The following KMT2D variants were observed in gnomAD, a reference collection of about 807,000 sequenced individuals.
The protein encoded by KMT2D is lysine methyltransferase 2D, also known as histone-lysine N-methyltransferase 2D.
Under a neutral mutation model 512.7 loss-of-function variants are expected in KMT2D, and 55 were observed. The observed-to-expected ratio is 0.11, with a 90% confidence interval of 0.09 to 0.13. The LOEUF is 0.13. KMT2D is among the 10% of genes least tolerant of loss of function. KMT2D has a pLI of 1.00. For missense variants in KMT2D, 6,061 were observed against 7,127.9 expected, an observed-to-expected ratio of 0.85 and a Z score of 5.39; for synonymous variants, 2,995 against 2,904.0, an observed-to-expected ratio of 1.03 and a Z score of -1.01.
chr12:49,032,081 G>A lies in KMT2D; in HGVS notation c.12624C>T (p.Asn4208=). 1 of 1,613,756 alleles carries A rather than the reference G, an allele frequency of 6.2e-7. No individual in the cohort carries two copies. Among genetic ancestry groups the A allele is most frequent in the Non-Finnish European group, 8.5e-7 (1 of 1,179,764 alleles). The change falls in exon 40 of 55, where the codon AAC becomes AAT. Residue 4208 remains asparagine (N), a synonymous_variant. Transcript: ENST00000301067. ...RAQLQGVLAK[N]PQLRHLSPQQ... ...GAGGACTTAAGTGCCGCAGCTGTGGGTTTTTGGCCAGGACTCCTTGGAGCT... is the reference window on the plus strand; with the variant it reads ...GAGGACTTAAGTGCCGCAGCTGTGGATTTTTGGCCAGGACTCCTTGGAGCT...
rs879177818 is a variant in KMT2D at position 49,039,112 on chromosome 12, G to GA, written c.8366+109dup. On this transcript the variant is annotated intron_variant, in intron 34 of 54. Coordinates refer to ENST00000301067, the MANE Select transcript of KMT2D (RefSeq NM_003482.4). The surrounding 1 kb of genome is among the most constrained non-coding windows in gnomAD (Gnocchi z 5.0). ...GGGAGAAAAGGAATGAGGAAGAAGA[G>GA]AAAGTGATACTGGAAAAGGATTAGT... 6.5e-7 allele frequency: 1 copy of GA among 1,528,520 alleles called. No individual in the cohort carries two copies. The highest frequency in any genetic ancestry group is 1.4e-5 in the African/African-American group (1 of 72,626). The allele number at this position is 1,528,520 out of a possible 1,614,324, so 94.7% of individuals were successfully genotyped here.
At position 49,060,052 on chromosome 12, in the gene KMT2D, GCCGCGCCGCC is replaced by G. The variant is rs1384094219; in HGVS notation, c.-487_-478del. 1.3e-5 allele frequency among the ~76,000 whole-genome samples: 2 copies of G among 151,654 alleles called. No homozygotes were observed. Among genetic ancestry groups the G allele is most frequent in the Non-Finnish European group, 2.9e-5 (2 of 67,804 alleles). On this transcript the variant is annotated 5_prime_UTR_variant, in exon 1 of 55. Coordinates refer to ENST00000301067, the MANE Select transcript of KMT2D (RefSeq NM_003482.4). ...GCCTCCCCAGCAGCCCGGAAGGAAT[GCCGCGCCGCC>G]CCGCGCCTGGCCCGGATGGAACGTG...
At chr12:49,056,445 G>C (rs1179779960) in intron 1 of KMT2D, among the ~76,000 whole-genome samples, 1 of 151,822 alleles carries the variant, frequency 6.6e-6, no homozygotes, top group Non-Finnish European at 1.5e-5. Flanking sequence ...AGGGAATTAA[G>C]CACAGTGGGA....
intron 14 of KMT2D, among the ~76,000 whole-genome samples, 194 bp from the exon 15 acceptor site, chr12:49,048,263 ATTTAT>A (rs1279237181): frequency 1.3e-5 from 2 of 152,212 alleles, no homozygotes; most frequent in African/African-American, 2.4e-5. Flanking sequence ...GGTCACTTGA[ATTTAT>A]AAAGCCTGAC....
rs1372707509 is a variant in KMT2D at position 49,041,463 on chromosome 12, G to A, written c.6307C>T (p.His2103Tyr). The change falls in exon 32 of 55, where the codon CAT becomes TAT. Residue 2103 changes from histidine (H) to tyrosine (Y), a missense_variant. Physicochemically the swap from His to Tyr is moderately conservative, Grantham distance 83. Coordinates refer to ENST00000301067, the MANE Select transcript of KMT2D (RefSeq NM_003482.4). This position sits in a 1 kb window ranked among gnomAD's most constrained non-coding sequence, Gnocchi z 5.4. ...IARKTDRPAL[H>Y]LRIPPQPGAL... ...CCTGGCTGCGGGGGAATGCGGAGAT[G>A]TAGGGCCGGTCGGTCAGTCTTACGG... 6.2e-7 allele frequency: 1 copy of A among 1,613,360 alleles called. No individual in the cohort carries two copies. The highest frequency in any genetic ancestry group is 1.3e-5 in the African/African-American group (1 of 74,994).
chr12:49,036,689 G>A (rs1261662177), intron 35 of KMT2D, among the ~76,000 whole-genome samples: 2 of 151,854 alleles, frequency 1.3e-5, no homozygotes, highest in African/African-American at 4.8e-5. Flanking sequence ...TAGTAGAGAT[G>A]GGGTTTCATC....
chr12:49,038,306 T>C lies in KMT2D; in HGVS notation c.9050A>G (p.Asp3017Gly). 1.9e-6 allele frequency: 3 copies of C among 1,613,832 alleles called. No individual in the cohort carries two copies. The highest frequency in any genetic ancestry group is 2.5e-6 in the Non-Finnish European group (3 of 1,179,880). ...AAGTTCATCATCACCCTTGGCCACATCCACACCCAGACCCAGGTGAGCAAG... is the reference window on the plus strand; with the variant it reads ...AAGTTCATCATCACCCTTGGCCACACCCACACCCAGACCCAGGTGAGCAAG... ...EELAHLGLGV[D>G]VAKGDDELGT... The change falls in exon 35 of 55, where the codon GAT becomes GGT. Residue 3017 changes from aspartate to glycine, a missense_variant. Transcript: ENST00000301067. This position sits in a 1 kb window ranked among gnomAD's most constrained non-coding sequence, Gnocchi z 5.7.
rs979601685 is a variant in KMT2D, at chr12:49,018,991, CTTTT to C, written c.*2785_*2788del. On this transcript the variant is annotated 3_prime_UTR_variant, in exon 55 of 55. Coordinates refer to ENST00000301067, the MANE Select transcript of KMT2D (RefSeq NM_003482.4). ...CGGAGCCGCTTGTATTTAAAATGTTCTTTTTTTATTTGTCGTTTAAAAACAAACT... is the reference window on the plus strand; with the variant it reads ...CGGAGCCGCTTGTATTTAAAATGTTCTTTATTTGTCGTTTAAAAACAAACT... 2.0e-4 allele frequency: 275 copies of C among 1,404,004 alleles called. 3 individuals carry two copies. Among genetic ancestry groups the C allele is most frequent in the Non-Finnish European group, 1.1e-4 (117 of 1,083,172 alleles). The allele number at this position is 1,404,004 out of a possible 1,614,324, so 87.0% of individuals were successfully genotyped here. A position where few individuals can be genotyped will look rare whatever the true frequency, so the allele number is the denominator to read the frequency against.
At position 49,044,596 on chromosome 12, in the gene KMT2D, A is replaced by G; in HGVS notation, c.4964-74T>C. 6.3e-7 allele frequency: 1 copy of G among 1,583,690 alleles called. No homozygotes were observed. The highest frequency in any genetic ancestry group is 8.6e-7 in the Non-Finnish European group (1 of 1,163,846). The stretch of plus-strand genomic sequence containing the variant: ...TTTTAACCTTGTCATCCTGCCACTG[A>G]GAGAGCTGAATACCTTGCCTCAGAG... On this transcript the variant is annotated intron_variant, in intron 20 of 54. Coordinates refer to ENST00000301067, the MANE Select transcript of KMT2D (RefSeq NM_003482.4). This position sits in a 1 kb window ranked among gnomAD's most constrained non-coding sequence, Gnocchi z 6.4.
In KMT2D at chr12:49,052,699, G is replaced by A. The variant is rs781037238; in HGVS notation, c.1123C>T (p.Pro375Ser). The change falls in exon 10 of 55, where the codon CCA (proline) becomes TCA (serine). Residue 375 changes from proline (P) to serine (S), a missense_variant. Physicochemically the swap from Pro to Ser is moderately conservative, Grantham distance 74 (BLOSUM62 -1). This residue lies in a region of KMT2D where 848 missense variants were observed against 838.5 expected (regional missense o/e 1.01). Transcript: ENST00000301067. ...TCAGTGGGGGTATCGCCAGGCTCTGGGGGTGAAAATCTGCAGAGGGTACAG... is the reference window on the plus strand; with the variant it reads ...TCAGTGGGGGTATCGCCAGGCTCTGAGGGTGAAAATCTGCAGAGGGTACAG... The part of the protein sequence containing the change: ...HTPVCSRFSP[P>S]EPGDTPTDEP... The A allele has an allele frequency of 3.1e-6, 5 of 1,613,456 alleles. No homozygotes were observed. Among genetic ancestry groups the A allele is most frequent in the African/African-American group, 1.3e-5 (1 of 74,868 alleles).
In KMT2D at chr12:49,040,601, G is replaced by A. The variant is rs866926540; in HGVS notation, c.7169C>T (p.Pro2390Leu). Reference protein sequence around the residue: ...QPPLTPRPQPPPPESCCALPP... With the variant: ...QPPLTPRPQPLPPESCCALPP... Reference sequence around the variant, plus strand: ...CAGAGCACAGCAGCTCTCAGGGGGCGGAGGTTGGGGCCGAGGAGTCAATGG... The same window carrying A: ...CAGAGCACAGCAGCTCTCAGGGGGCAGAGGTTGGGGCCGAGGAGTCAATGG... The change falls in exon 32 of 55, where the codon CCG becomes CTG. Residue 2390 changes from proline to leucine, a missense_variant. Physicochemically the swap from Pro to Leu is moderately conservative, Grantham distance 98. Coordinates refer to ENST00000301067, the MANE Select transcript of KMT2D (RefSeq NM_003482.4). 30 of 1,613,444 alleles carry A rather than the reference G, an allele frequency of 1.9e-5. No individual in the cohort carries two copies. Among genetic ancestry groups the A allele is most frequent in the African/African-American group, 5.3e-5 (4 of 74,870 alleles).
rs781604921 is a variant in KMT2D, at chr12:49,046,471, G to C, written c.4419-47C>G. ...AGCTTTAGCACCCAACCTACCCGAA[G>C]TACCCAGAAGTCCCCTCACCGGAAA... On this transcript the variant is annotated intron_variant, in intron 16 of 54. Coordinates refer to ENST00000301067, the MANE Select transcript of KMT2D (RefSeq NM_003482.4). The surrounding 1 kb of genome is among the most constrained non-coding windows in gnomAD (Gnocchi z 4.2). The C allele has an allele frequency of 4.7e-5, 75 of 1,600,782 alleles. No homozygotes were observed. Among genetic ancestry groups the C allele is most frequent in the Non-Finnish European group, 6.4e-5 (75 of 1,171,466 alleles).
chr12:49,039,552 C>T lies in KMT2D; in HGVS notation c.8112G>A (p.Lys2704=), dbSNP rs1943386090. Residue 2704 remains lysine, a synonymous_variant, in exon 33 of 55, where the codon AAG becomes AAA. Transcript: ENST00000301067. The surrounding 1 kb of genome is among the most constrained non-coding windows in gnomAD (Gnocchi z 5.0). ...CTCCTGCAGCTGCTGCAGCTGTTTC[C>T]TTCTCCTGCCGCAGGGTGTTGCGCT... is the stretch of plus-strand genomic sequence containing the variant. ...QIQRNTLRQE[K]ETAAAAAGAV... 2 of 1,611,974 alleles carry T rather than the reference C, an allele frequency of 1.2e-6. No homozygotes were observed. Among genetic ancestry groups the T allele is most frequent in the Non-Finnish European group, 1.7e-6 (2 of 1,179,592 alleles).
chr12:49,047,841 T>C (rs1282280366), intron 15 of KMT2D, 124 bp downstream of exon 15: 1 of 662,446 alleles, frequency 1.5e-6, no homozygotes, highest in African/African-American at 1.8e-5. Context: ...TGATAACCAC[T>C]GGTGACTAAT....
intron 41 of KMT2D, 35 bp from the exon 42 acceptor site, chr12:49,030,803 C>T (rs753624543): frequency 6.2e-7 from 1 of 1,612,888 alleles, no homozygotes; most frequent in Non-Finnish European, 8.5e-7. Context: ...TCAAAACCTG[C>T]AGCGTTTGCA....
chr12:49,054,507 T>C lies in KMT2D; in HGVS notation c.400+21A>G. ...ACTACCCAGCCCTTATCCCATTTCC[T>C]GCCCCATTCTCCTCACTCACCTCCA... On this transcript the variant is annotated intron_variant, in intron 4 of 54. Transcript: ENST00000301067. This position sits in a 1 kb window ranked among gnomAD's most constrained non-coding sequence, Gnocchi z 6.4. 1 of 1,597,694 alleles carries C rather than the reference T, an allele frequency of 6.3e-7. No individual in the cohort carries two copies. Among genetic ancestry groups the C allele is most frequent in the Non-Finnish European group, 8.5e-7 (1 of 1,171,048 alleles).
In KMT2D at chr12:49,060,491, C is replaced by G. The variant is rs1277832920; in HGVS notation, c.-916G>C. On this transcript the variant is annotated 5_prime_UTR_variant, in exon 1 of 55. Transcript: ENST00000301067. Reference sequence around the variant, plus strand: ...CGGCCTAGAGGTGCATGGCCCAACCCCGGCTCCCGGCACCGGGGGGTCAGG... The same window carrying G: ...CGGCCTAGAGGTGCATGGCCCAACCGCGGCTCCCGGCACCGGGGGGTCAGG... Among the ~76,000 whole-genome samples, 2 of 152,204 alleles carry G rather than the reference C, an allele frequency of 1.3e-5. No individual in the cohort carries two copies. The highest frequency in any genetic ancestry group is 2.9e-5 in the Non-Finnish European group (2 of 68,036).
chr12:49,042,294 C>A lies in KMT2D; in HGVS notation c.5904G>T (p.Glu1968Asp). Residue 1968 changes from glutamate (E) to aspartate (D), a missense_variant, in exon 29 of 55, where the codon GAG becomes GAT. Coordinates refer to ENST00000301067, the MANE Select transcript of KMT2D (RefSeq NM_003482.4). The surrounding 1 kb of genome is among the most constrained non-coding windows in gnomAD (Gnocchi z 4.4). ...CTGAGCCCGTCCAGGGGCTGTCGGGCTCACCGGGTTCCGGGCTAAAGAAGC... is the reference window on the plus strand; with the variant it reads ...CTGAGCCCGTCCAGGGGCTGTCGGGATCACCGGGTTCCGGGCTAAAGAAGC... ...RGGFFSPEPG[E>D]PDSPWTGSGG... 1.3e-6 allele frequency: 2 copies of A among 1,559,938 alleles called. No individual in the cohort carries two copies. The highest frequency in any genetic ancestry group is 1.7e-6 in the Non-Finnish European group (2 of 1,151,300).
In KMT2D at chr12:49,054,635, G is replaced by C. The variant is rs2120711762; in HGVS notation, c.293C>G (p.Ser98Cys). 1 of 1,612,950 alleles carries C rather than the reference G, an allele frequency of 6.2e-7. No homozygotes were observed. Among genetic ancestry groups the C allele is most frequent in the Non-Finnish European group, 8.5e-7 (1 of 1,179,430 alleles). Residue 98 changes from serine to cysteine, a missense_variant, in exon 4 of 55, where the codon TCC (serine) becomes TGC (cysteine). This residue lies in a region of KMT2D where 144 missense variants were observed against 165.7 expected (regional missense o/e 0.87). Transcript: ENST00000301067. The surrounding 1 kb of genome is among the most constrained non-coding windows in gnomAD (Gnocchi z 6.4). ...ATTGGGCCCTGGGCTCCCCCCAGGG[G>C]ACACCACTGGACACCGGGGCCAATC... ...PFDWPRCPVV[S>C]PGGSPGPNEA...
Sources: gnomAD v4.1 joint callset for allele counts (sites outside exome capture counted in the v4.1 genomes callset) on GRCh38, gnomAD v4.1.1 for gene constraint, gnomAD v4.1.1 regional missense constraint, Gnocchi (gnomAD v3.1) non-coding constraint, MANE v1.5 for transcripts, NCBI Gene and HGNC (gene_info 2026-07-23, HGNC 2026-07-21) for gene names.